The following ZNF804B variants were observed in gnomAD, a reference collection of about 807,000 sequenced individuals.
The protein encoded by ZNF804B is zinc finger 804B.
ZNF804B carries 80 observed loss-of-function variants against 101.4 expected under a neutral mutation model. The observed-to-expected ratio is 0.79, with a 90% confidence interval of 0.66 to 0.95. ZNF804B has a LOEUF of 0.95. Among genes scored for constraint, ZNF804B ranks in the 40% least tolerant of loss-of-function variants. ZNF804B has a pLI of 0.00. For synonymous variants in ZNF804B, 622 were observed against 558.8 expected, an observed-to-expected ratio of 1.11 and a Z score of -1.59; for missense variants, 1,673 against 1,561.9, an observed-to-expected ratio of 1.07 and a Z score of -1.20.
At chr7:89,235,363 C>T (rs1300754444) in intron 2 of ZNF804B, among the ~76,000 whole-genome samples, 1 of 152,054 alleles carries the variant, frequency 6.6e-6, no homozygotes, top group Admixed American at 6.6e-5. Flanking sequence ...AAGTCAAAAG[C>T]TAAATGGAAG....
chr7:89,305,905 G>A (rs1262207003), intron 2 of ZNF804B, among the ~76,000 whole-genome samples: 1 of 151,798 alleles, frequency 6.6e-6, no homozygotes, highest in Non-Finnish European at 1.5e-5. Context: ...CTGATACTTT[G>A]TAAAGATACT....
intron 1 of ZNF804B, among the ~76,000 whole-genome samples, chr7:89,129,397 T>C (rs965471645): frequency 6.6e-6 from 1 of 152,028 alleles, no homozygotes; most frequent in Non-Finnish European, 1.5e-5. Context: ...TGATTTACAT[T>C]TCTTTAAACC....
At chr7:89,196,452 C>G (rs1183895847) in intron 1 of ZNF804B, among the ~76,000 whole-genome samples, 1 of 152,102 alleles carries the variant, frequency 6.6e-6, no homozygotes, top group Non-Finnish European at 1.5e-5. Context: ...TGGACCCCCT[C>G]CTTACACCTT....
chr7:89,010,331 A>C (rs2116191209), intron 1 of ZNF804B, among the ~76,000 whole-genome samples: 1 of 152,284 alleles, frequency 6.6e-6, no homozygotes, highest in Middle Eastern at 3.4e-3. Context: ...CTTCTTCATT[A>C]CAGTATTGAT....
At position 89,265,288 on chromosome 7, in the gene ZNF804B, GTGTGT is replaced by G. The variant is rs1562931329; in HGVS notation, c.249+46994_249+46998del. 1.4e-4 allele frequency among the ~76,000 whole-genome samples: 13 copies of G among 94,340 alleles called. No individual in the cohort carries two copies. The South Asian group carries it at 1.9e-3, about 13-fold the overall frequency. The allele number at this position is 94,340 out of a possible 152,430, so 61.9% of individuals were successfully genotyped here. On this transcript the variant is annotated intron_variant, in intron 2 of 3. Coordinates refer to ENST00000333190, the MANE Select transcript of ZNF804B (RefSeq NM_181646.5). ...TCAGTGTGTGTGTGTGTGTGTGTGT[GTGTGT>G]GCGCGTGCGCGCGCGCACACATGCA...
At chr7:88,791,818 C>A (rs1790386512) in intron 1 of ZNF804B, among the ~76,000 whole-genome samples, 1 of 152,042 alleles carries the variant, frequency 6.6e-6, no homozygotes, top group Non-Finnish European at 1.5e-5. Context: ...ATCATTCACC[C>A]AAACCTTAGT....
chr7:88,854,719 A>G (rs1247439621), intron 1 of ZNF804B, among the ~76,000 whole-genome samples: 1 of 148,994 alleles, frequency 6.7e-6, no homozygotes, highest in Non-Finnish European at 1.5e-5. Flanking sequence ...TCATCATTTA[A>G]CATTAGGTAT....
At chr7:88,820,436 T>G (rs898175211) in intron 1 of ZNF804B, among the ~76,000 whole-genome samples, 1 of 152,050 alleles carries the variant, frequency 6.6e-6, no homozygotes, top group Non-Finnish European at 1.5e-5. Flanking sequence ...GGAGAGGCAA[T>G]TGCCTGCCCA....
At chr7:89,303,478 A>G (rs1223631718) in intron 2 of ZNF804B, among the ~76,000 whole-genome samples, 1 of 151,942 alleles carries the variant, frequency 6.6e-6, no homozygotes, top group Non-Finnish European at 1.5e-5. Flanking sequence ...GCTAGGGCTC[A>G]GGAGTCAAGC....
chr7:89,188,299 C>G (rs1174448073), intron 1 of ZNF804B, among the ~76,000 whole-genome samples: 2 of 152,070 alleles, frequency 1.3e-5, no homozygotes, highest in Non-Finnish European at 2.9e-5. Context: ...GAACCATGTT[C>G]ATATAGAACT....
intron 2 of ZNF804B, among the ~76,000 whole-genome samples, chr7:89,231,784 C>T (rs951502083): frequency 2.6e-5 from 4 of 151,934 alleles, no homozygotes; most frequent in Admixed American, 1.3e-4. Context: ...TATTTTATAT[C>T]GATCCTGTAA....
chr7:88,904,239 C>A (rs1343337966), intron 1 of ZNF804B, among the ~76,000 whole-genome samples: 2 of 152,038 alleles, frequency 1.3e-5, no homozygotes, highest in Non-Finnish European at 2.9e-5. Context: ...TTTTGTCAGC[C>A]TTGTCAAAGA....
intron 2 of ZNF804B, among the ~76,000 whole-genome samples, chr7:89,281,977 G>A (rs939328004): frequency 6.6e-5 from 10 of 152,024 alleles, no homozygotes; most frequent in Non-Finnish European, 1.0e-4. Context: ...CGAGGCGGGC[G>A]GATCACGAGG....
At chr7:89,323,315 A>G (rs966863879) in intron 2 of ZNF804B, among the ~76,000 whole-genome samples, 5 of 152,230 alleles carry the variant, frequency 3.3e-5, no homozygotes, top group African/African-American at 4.8e-5. Flanking sequence ...CTAGAATGAC[A>G]CAAGAACTTT....
At chr7:88,850,509 G>T (rs553926106) in intron 1 of ZNF804B, among the ~76,000 whole-genome samples, 1 of 152,118 alleles carries the variant, frequency 6.6e-6, no homozygotes, top group South Asian at 2.1e-4. Context: ...GAAACATCTG[G>T]GAATAGTCCT....
At chr7:89,168,933 G>C (rs909530839) in intron 1 of ZNF804B, among the ~76,000 whole-genome samples, 3 of 152,048 alleles carry the variant, frequency 2.0e-5, no homozygotes, top group African/African-American at 7.2e-5. Context: ...TCTCTGACCT[G>C]GGGTTCTTGG....
At chr7:88,937,589 T>A (rs1393637883) in intron 1 of ZNF804B, among the ~76,000 whole-genome samples, 1 of 151,752 alleles carries the variant, frequency 6.6e-6, no homozygotes, top group Non-Finnish European at 1.5e-5. Flanking sequence ...AAAAATAGAG[T>A]CGGGGTAACT....
At chr7:88,900,326 A>G (rs975952898) in intron 1 of ZNF804B, among the ~76,000 whole-genome samples, 2 of 151,904 alleles carry the variant, frequency 1.3e-5, no homozygotes, top group East Asian at 1.9e-4. Flanking sequence ...CCTTAAAAAC[A>G]TATTTAAATG....
intron 1 of ZNF804B, among the ~76,000 whole-genome samples, chr7:88,782,358 T>C (rs1446330047): frequency 6.6e-6 from 1 of 152,100 alleles, no homozygotes; most frequent in East Asian, 1.9e-4. Flanking sequence ...TACAGCACTG[T>C]TAAACACTGA....
Sources: allele counts gnomAD v4.1 joint callset (sites outside exome capture counted in the v4.1 genomes callset), GRCh38; gene constraint gnomAD v4.1.1; transcripts MANE v1.5; gene names NCBI Gene and HGNC (gene_info 2026-07-23, HGNC 2026-07-21).